The following SLC4A10 variants were observed in gnomAD, a reference collection of about 807,000 sequenced individuals.
SLC4A10 encodes the protein sodium-driven chloride bicarbonate exchanger.
Under a neutral mutation model 137.7 loss-of-function variants are expected in SLC4A10, and 42 were observed. The ratio of observed to expected loss-of-function variants is 0.30; its 90% CI spans 0.24 to 0.39. SLC4A10 has a LOEUF of 0.39. Ranked by LOEUF, SLC4A10 falls within the 10% of genes least tolerant of loss-of-function variation. SLC4A10 has a pLI of 1.00. For missense variants in SLC4A10, 925 were observed against 1,355.0 expected (o/e 0.68, Z 4.98); for synonymous variants, 474 against 464.1 (o/e 1.02, Z -0.27).
chr2:161,980,311 C>A (rs769556107), intron 26 of SLC4A10, among the ~76,000 whole-genome samples: 7 of 151,980 alleles, frequency 4.6e-5, no homozygotes, highest in Non-Finnish European at 8.8e-5. Context: ...CTCTGATTGC[C>A]TAGGCTTAGG....
intron 21 of SLC4A10, among the ~76,000 whole-genome samples, chr2:161,960,658 C>T (rs1003396017): frequency 5.3e-5 from 8 of 149,762 alleles, no homozygotes; most frequent in Admixed American, 1.3e-4. Context: ...AGGTGAAGAT[C>T]GCATTGAGCC....
chr2:161,931,262 G>A (rs1313783301), intron 15 of SLC4A10: 1 of 152,368 alleles, frequency 6.6e-6, no homozygotes, highest in African/African-American at 2.4e-5. Flanking sequence ...ACATCATCCA[G>A]TGCATGTCAA....
intron 2 of SLC4A10, among the ~76,000 whole-genome samples, chr2:161,779,821 G>T (rs58072231): frequency 0.02 from 2,982 of 151,922 alleles, 100 homozygotes; most frequent in African/African-American, 0.067. Flanking sequence ...GATAGGAAAG[G>T]ATCAAAATAA....
At chr2:161,863,506 T>C (rs1314673949) in intron 6 of SLC4A10, among the ~76,000 whole-genome samples, 1 of 152,210 alleles carries the variant, frequency 6.6e-6, no homozygotes, top group Non-Finnish European at 1.5e-5. Flanking sequence ...TTGCTCATAG[T>C]CAACAAATTC....
intron 15 of SLC4A10, chr2:161,931,497 A>T (rs1354310159): frequency 6.6e-6 from 1 of 152,218 alleles, no homozygotes; most frequent in Admixed American, 6.5e-5. Flanking sequence ...GCATTGCCCC[A>T]ATCCAGCCTT....
chr2:161,902,402 A>G (rs1450588338), intron 12 of SLC4A10, among the ~76,000 whole-genome samples: 2 of 152,146 alleles, frequency 1.3e-5, no homozygotes, highest in East Asian at 3.9e-4. Context: ...GCCTAAATAG[A>G]CTGGTAGAGT....
At chr2:161,756,662 C>A (rs185144985) in intron 1 of SLC4A10, among the ~76,000 whole-genome samples, 27 of 152,202 alleles carry the variant, frequency 1.8e-4, no homozygotes, top group Admixed American at 6.6e-4. Context: ...ACCTTCTTTC[C>A]TGTACTTTGG....
At chr2:161,659,773 T>C (rs1391836926) in intron 1 of SLC4A10, among the ~76,000 whole-genome samples, 2 of 152,312 alleles carry the variant, frequency 1.3e-5, no homozygotes, top group East Asian at 1.9e-4. Flanking sequence ...AACTGATGAA[T>C]AGCTATATAA....
intron 17 of SLC4A10, 77 bp downstream of exon 17, chr2:161,947,804 C>G (rs1559603428): frequency 2.0e-6 from 3 of 1,480,758 alleles, no homozygotes; most frequent in African/African-American, 1.4e-5. Context: ...ATAAAAGGAG[C>G]CACTGAAAGG....
chr2:161,877,312 T>G (rs1452101519), intron 8 of SLC4A10, among the ~76,000 whole-genome samples: 1 of 152,034 alleles, frequency 6.6e-6, no homozygotes, highest in Non-Finnish European at 1.5e-5. Flanking sequence ...AAAAAAGATG[T>G]TTTCTCATTT....
intron 7 of SLC4A10, chr2:161,873,660 T>C (rs2061285872): frequency 6.9e-6 from 2 of 291,664 alleles, no homozygotes; most frequent in Non-Finnish European, 1.3e-5. Flanking sequence ...GAGTAATATT[T>C]TAATAAAGCC....
At chr2:161,822,499 T>A (rs540059405) in intron 3 of SLC4A10, among the ~76,000 whole-genome samples, 6 of 152,324 alleles carry the variant, frequency 3.9e-5, no homozygotes, top group East Asian at 3.9e-4. Flanking sequence ...TGCTTTTTTT[T>A]AAATGGCTAT....
intron 1 of SLC4A10, among the ~76,000 whole-genome samples, chr2:161,646,993 T>C (rs2036146640): frequency 6.6e-6 from 1 of 152,074 alleles, no homozygotes; most frequent in East Asian, 1.9e-4. Flanking sequence ...AAATAGGTAC[T>C]ATTCTTGTAG....
intron 15 of SLC4A10, among the ~76,000 whole-genome samples, chr2:161,936,261 G>A (rs1691562343): frequency 6.6e-6 from 1 of 152,068 alleles, no homozygotes; most frequent in South Asian, 2.1e-4. Context: ...TAATGTTCTT[G>A]TCTGGCTTTG....
intron 3 of SLC4A10, among the ~76,000 whole-genome samples, chr2:161,811,266 A>G (rs2125635347): frequency 6.6e-6 from 1 of 151,804 alleles, no homozygotes; most frequent in East Asian, 1.9e-4. Flanking sequence ...TTTTTTGTTA[A>G]TCTAACTAGT....
At chr2:161,859,739 T>C (rs1022275860) in intron 5 of SLC4A10, among the ~76,000 whole-genome samples, 55 of 151,696 alleles carry the variant, frequency 3.6e-4, no homozygotes, top group African/African-American at 9.9e-4. Flanking sequence ...TCGCTGGGAC[T>C]ACAGGCGCCC....
intron 1 of SLC4A10, among the ~76,000 whole-genome samples, chr2:161,676,255 C>A (rs752652905): frequency 3.9e-5 from 6 of 152,112 alleles, no homozygotes; most frequent in African/African-American, 9.7e-5. Flanking sequence ...GTAGCCCTTA[C>A]AATATAGCAT....
At chr2:161,907,055 CAAAAAAAAAAAAA>C (rs556899761) in intron 15 of SLC4A10, among the ~76,000 whole-genome samples, 11 of 90,886 alleles carry the variant, frequency 1.2e-4, no homozygotes, top group African/African-American at 2.8e-4. Flanking sequence ...GACTCCGTCT[CAAAAAAAAAAAAA>C]AAAAAAAAAA....
chr2:161,781,932 C>T (rs2053068895), intron 2 of SLC4A10, among the ~76,000 whole-genome samples: 1 of 152,072 alleles, frequency 6.6e-6, no homozygotes, highest in Non-Finnish European at 1.5e-5. Flanking sequence ...CAGCTCTCAG[C>T]TTCTCCCAGA....
Sources: allele counts gnomAD v4.1 joint callset (sites outside exome capture counted in the v4.1 genomes callset), GRCh38; gene constraint gnomAD v4.1.1; transcripts MANE v1.5; gene names NCBI Gene and HGNC (gene_info 2026-07-23, HGNC 2026-07-21).